The following CLDN10 variants were observed in gnomAD, a reference collection of about 807,000 sequenced individuals.
CLDN10 encodes claudin 10.
A neutral mutation model predicts 22.9 loss-of-function variants in CLDN10; 15 were observed. The observed-to-expected ratio is 0.65, with a 90% CI of 0.44 to 1.01. CLDN10 has a LOEUF of 1.01. Ranked by LOEUF, CLDN10 falls within the 50% of genes least tolerant of loss-of-function variation. The probability of loss-of-function intolerance (pLI) is 0.00; values close to 1 mark genes in which losing one functional copy is unlikely to be tolerated. For synonymous variants in CLDN10, 114 were observed against 111.4 expected, an observed-to-expected ratio of 1.02 and a Z score of -0.15; for missense variants, 247 against 287.8, an observed-to-expected ratio of 0.86 and a Z score of 1.03.
At chr13:95,517,600 T>C (rs544121574) in intron 1 of CLDN10, among the ~76,000 whole-genome samples, 1 of 152,270 alleles carries the variant, frequency 6.6e-6, no homozygotes, top group South Asian at 2.1e-4. Context: ...CAGGGAGAAT[T>C]TCCTGACAAG....
At chr13:95,484,881 A>AAAAAAAAAG (rs1566295076) in intron 1 of CLDN10, among the ~76,000 whole-genome samples, 9 of 128,606 alleles carry the variant, frequency 7.0e-5, no homozygotes, top group African/African-American at 2.1e-4. Context: ...AAAAAAAAAA[A>AAAAAAAAAG]AAAAAAAAAA....
intron 1 of CLDN10, among the ~76,000 whole-genome samples, chr13:95,523,118 C>T (rs2043239627): frequency 1.3e-5 from 2 of 151,872 alleles, no homozygotes; most frequent in Admixed American, 6.6e-5. Context: ...ACATTTTATA[C>T]TCCTTTTCCA....
chr13:95,555,626 GT>G (rs893182693), intron 1 of CLDN10, among the ~76,000 whole-genome samples: 13 of 152,116 alleles, frequency 8.5e-5, no homozygotes, highest in African/African-American at 2.7e-4. Context: ...TTATCAGCCT[GT>G]TTTTTTGATG....
At chr13:95,545,670 G>A (rs2043500999) in intron 1 of CLDN10, among the ~76,000 whole-genome samples, 1 of 152,070 alleles carries the variant, frequency 6.6e-6, no homozygotes, top group African/African-American at 2.4e-5. Context: ...TTAGTTTGAT[G>A]TCCTTTAAAA....
intron 1 of CLDN10, among the ~76,000 whole-genome samples, chr13:95,503,919 T>C (rs2043011365): frequency 6.6e-6 from 1 of 152,166 alleles, no homozygotes; most frequent in African/African-American, 2.4e-5. Context: ...GTTGCACAAA[T>C]GTGAATATAC....
chr13:95,479,488 C>T (rs2042720906), intron 1 of CLDN10: 1 of 152,072 alleles, frequency 6.6e-6, no homozygotes, highest in Non-Finnish European at 1.5e-5. Flanking sequence ...ATTACTAAGG[C>T]TATTTTTTAA....
intron 1 of CLDN10, among the ~76,000 whole-genome samples, chr13:95,448,206 A>G (rs2042399494): frequency 1.3e-5 from 2 of 152,156 alleles, no homozygotes. Flanking sequence ...CACTACACAC[A>G]CACACAGAAA....
At chr13:95,526,083 G>A (rs1473633522) in intron 1 of CLDN10, among the ~76,000 whole-genome samples, 1 of 151,920 alleles carries the variant, frequency 6.6e-6, no homozygotes, top group Non-Finnish European at 1.5e-5. Context: ...CTTCCATTGT[G>A]TTTTTATCTC....
chr13:95,571,592 G>A (rs184709127), intron 3 of CLDN10, among the ~76,000 whole-genome samples: 57 of 152,188 alleles, frequency 3.7e-4, no homozygotes, highest in South Asian at 1.7e-3. Flanking sequence ...CAGGATCAGC[G>A]GGCACCCCAC....
At chr13:95,570,829 TACACAC>T (rs537635169) in intron 3 of CLDN10, among the ~76,000 whole-genome samples, 8 of 129,418 alleles carry the variant, frequency 6.2e-5, no homozygotes, top group Admixed American at 4.3e-4. Context: ...TATATATATA[TACACAC>T]ACACACACAC....
chr13:95,455,747 AT>A (rs1365786541), intron 1 of CLDN10, among the ~76,000 whole-genome samples: 7 of 152,246 alleles, frequency 4.6e-5, no homozygotes, highest in Non-Finnish European at 1.0e-4. Context: ...AGAGAGTTGA[AT>A]AACTGTATAT....
At chr13:95,565,025 C>T (rs1394714646) in intron 3 of CLDN10, among the ~76,000 whole-genome samples, 1 of 151,852 alleles carries the variant, frequency 6.6e-6, no homozygotes, top group African/African-American at 2.4e-5. Flanking sequence ...TTGATGACTC[C>T]AGCATGAGCT....
intron 1 of CLDN10, among the ~76,000 whole-genome samples, chr13:95,480,612 A>C (rs563763498): frequency 3.3e-5 from 5 of 152,312 alleles, no homozygotes; most frequent in African/African-American, 9.6e-5. Context: ...TCTGGTGTGA[A>C]CCAGAACCAC....
At chr13:95,500,592 G>A (rs1242023107) in intron 1 of CLDN10, among the ~76,000 whole-genome samples, 1 of 152,118 alleles carries the variant, frequency 6.6e-6, no homozygotes, top group Non-Finnish European at 1.5e-5. Flanking sequence ...TAAGGGAGGA[G>A]GTCTCTGGCA....
intron 1 of CLDN10, among the ~76,000 whole-genome samples, chr13:95,461,364 C>A (rs967926026): frequency 6.6e-6 from 1 of 152,210 alleles, no homozygotes; most frequent in African/African-American, 2.4e-5. Context: ...ATAATGGAGT[C>A]ATTCAGGAGA....
At chr13:95,485,455 G>T (rs183325839) in intron 1 of CLDN10, among the ~76,000 whole-genome samples, 424 of 152,290 alleles carry the variant, frequency 2.8e-3, no homozygotes, top group Admixed American at 4.4e-3. Context: ...ACAGGTCTAT[G>T]AGTCATTGGA....
At chr13:95,518,243 A>C (rs1026778079) in intron 1 of CLDN10, among the ~76,000 whole-genome samples, 1 of 152,178 alleles carries the variant, frequency 6.6e-6, no homozygotes, top group Non-Finnish European at 1.5e-5. Context: ...TTTAGTCGTT[A>C]TTCTTTTTTA....
In CLDN10 at chr13:95,579,395, C is replaced by CCTGT. The variant is rs2043983497; in HGVS notation, c.*1384_*1387dup. 6.6e-6 allele frequency: 1 copy of CCTGT among 152,218 alleles called. No homozygotes were observed. The highest frequency in any genetic ancestry group is 2.1e-4 in the South Asian group (1 of 4,830). 9.4% of individuals were successfully genotyped at this position (152,218 alleles called of 1,614,324 possible). ...CACAGTTCATACACACCTTTCATGT[C>CCTGT]CTGTCTCACTCACTCCTCACAGCCA... On this transcript the variant is annotated 3_prime_UTR_variant, in exon 5 of 5. Coordinates refer to ENST00000299339, the MANE Select transcript of CLDN10 (RefSeq NM_006984.5).
intron 1 of CLDN10, among the ~76,000 whole-genome samples, chr13:95,519,063 C>G (rs2043198968): frequency 6.6e-6 from 1 of 152,152 alleles, no homozygotes; most frequent in Non-Finnish European, 1.5e-5. Flanking sequence ...CCTCAGTGTC[C>G]TGTAGGAGAG....
Sources: allele counts gnomAD v4.1 joint callset (sites outside exome capture counted in the v4.1 genomes callset), GRCh38; gene constraint gnomAD v4.1.1; transcripts MANE v1.5; gene names NCBI Gene and HGNC (gene_info 2026-07-23, HGNC 2026-07-21).